Variants in KIAA0825 observed in about 807,000 individuals in gnomAD.
KIAA0825 encodes uncharacterized protein KIAA0825.
A neutral mutation model predicts 147.6 loss-of-function variants in KIAA0825; 119 were observed. The observed-to-expected ratio is 0.81, with a 90% confidence interval of 0.69 to 0.94. The LOEUF (loss-of-function observed/expected upper bound fraction) is 0.94. KIAA0825 is among the 40% of genes least tolerant of loss of function. KIAA0825 has a pLI of 0.00. For missense variants in KIAA0825, 1,381 were observed against 1,472.7 expected, an observed-to-expected ratio of 0.94 and a Z score of 1.02; for synonymous variants, 470 against 518.1, an observed-to-expected ratio of 0.91 and a Z score of 1.26.
chr5:94,274,654 A>G (rs1777141535), intron 20 of KIAA0825, among the ~76,000 whole-genome samples: 1 of 152,174 alleles, frequency 6.6e-6, no homozygotes. Flanking sequence ...AAACCTTTCT[A>G]TAAAACAATT....
In KIAA0825 at chr5:94,227,496, A is replaced by G. The variant is rs1302066484; in HGVS notation, c.3711-73372T>C. On this transcript the variant is annotated intron_variant, in intron 20 of 20. Coordinates refer to ENST00000682413, the MANE Select transcript of KIAA0825 (RefSeq NM_001145678.3). The stretch of plus-strand genomic sequence containing the variant: ...ACACCAGCATGGCACATGTATACAT[A>G]TGTAACTAACCTGCACATTGTGCAC... Among the ~76,000 whole-genome samples, 3 of 151,950 alleles carry G rather than the reference A, an allele frequency of 2.0e-5. No homozygotes were observed. In the East Asian group the frequency reaches 5.8e-4, roughly 29 times the overall value.
At chr5:94,593,386 C>T in intron 1 of KIAA0825, 1 of 1,000,186 alleles carries the variant, frequency 1.0e-6, no homozygotes, top group Non-Finnish European at 1.6e-6. Context: ...AATATCACGA[C>T]ATTTTCAAGA....
intron 20 of KIAA0825, among the ~76,000 whole-genome samples, chr5:94,325,947 T>A (rs1029192219): frequency 1.3e-5 from 2 of 152,082 alleles, no homozygotes; most frequent in Admixed American, 6.6e-5. Flanking sequence ...ATCAGAGTTT[T>A]TTTTCAGAAC....
intron 20 of KIAA0825, among the ~76,000 whole-genome samples, chr5:94,228,467 T>A (rs966125920): frequency 2.0e-5 from 3 of 152,182 alleles, no homozygotes; most frequent in African/African-American, 7.2e-5. Context: ...TACCAAGGAC[T>A]CAGGCTTCCT....
At chr5:94,317,084 C>A (rs1250137064) in intron 20 of KIAA0825, among the ~76,000 whole-genome samples, 4 of 151,830 alleles carry the variant, frequency 2.6e-5, no homozygotes, top group Non-Finnish European at 5.9e-5. Flanking sequence ...ACTCACGTTT[C>A]ACTTCTCACT....
chr5:94,414,888 A>G (rs1374740948), intron 15 of KIAA0825: 1 of 152,164 alleles, frequency 6.6e-6, no homozygotes, highest in Non-Finnish European at 1.5e-5. Context: ...CATGCAAGGG[A>G]TCTTGGTTGT....
chr5:94,206,161 T>C (rs2150034215), intron 20 of KIAA0825, among the ~76,000 whole-genome samples: 1 of 152,314 alleles, frequency 6.6e-6, no homozygotes, highest in Non-Finnish European at 1.5e-5. Flanking sequence ...TATGACTTTG[T>C]TTTGAAGAGC....
intron 20 of KIAA0825, among the ~76,000 whole-genome samples, chr5:94,377,704 G>A (rs1243121013): frequency 6.6e-6 from 1 of 152,118 alleles, no homozygotes; most frequent in Non-Finnish European, 1.5e-5. Flanking sequence ...TGAAACTCTA[G>A]GGAGTCATTA....
rs762157138 is a variant in KIAA0825, at chr5:94,520,736, C to T, written c.482G>A (p.Trp161Ter). 1 of 1,613,304 alleles carries T rather than the reference C, an allele frequency of 6.2e-7. No individual in the cohort carries two copies. The highest frequency in any genetic ancestry group is 1.7e-5 in the Admixed American group (1 of 59,946). The change falls in exon 5 of 21, where the codon TGG becomes TAG. Residue 161 changes from tryptophan (W) to a stop codon, truncating the protein, a stop_gained. Transcript: ENST00000682413. LOFTEE classifies it high-confidence loss of function. ...TCGAAGATGCAGTCTTATATCATCC[C>T]ACATAGACTTGACATCCATAGAGGA... ...DNSSMDVKSM[W>*]DDIRLHLRRF...
chr5:94,171,217 G>A (rs1165447723), intron 20 of KIAA0825, among the ~76,000 whole-genome samples: 5 of 152,172 alleles, frequency 3.3e-5, no homozygotes, highest in Non-Finnish European at 7.3e-5. Flanking sequence ...TAGTGAATGA[G>A]TCTCACACAA....
chr5:94,475,088 CA>C (rs796762483), intron 7 of KIAA0825, among the ~76,000 whole-genome samples: 1,774 of 121,482 alleles, frequency 0.015, 24 homozygotes, highest in African/African-American at 0.041. Context: ...GACTCCATCT[CA>C]AAAAAAAAAA....
chr5:94,267,946 C>G (rs1391431463), intron 20 of KIAA0825, among the ~76,000 whole-genome samples: 1 of 152,134 alleles, frequency 6.6e-6, no homozygotes, highest in African/African-American at 2.4e-5. Context: ...AATACCCACA[C>G]AGACGTGGGA....
chr5:94,248,080 A>T (rs978060706), intron 20 of KIAA0825, among the ~76,000 whole-genome samples: 7 of 152,164 alleles, frequency 4.6e-5, no homozygotes, highest in African/African-American at 1.7e-4. Context: ...AAAGAAAGCA[A>T]TAAAGTGCAA....
At chr5:94,389,360 A>C (rs1361672374) in intron 18 of KIAA0825, among the ~76,000 whole-genome samples, 2 of 152,142 alleles carry the variant, frequency 1.3e-5, no homozygotes, top group African/African-American at 4.8e-5. Context: ...GTAAAACCCC[A>C]TGTCTTGTGG....
chr5:94,384,458 G>A lies in KIAA0825; in HGVS notation c.3620C>T (p.Ser1207Phe), dbSNP rs763576864. 39 of 1,549,700 alleles carry A rather than the reference G, an allele frequency of 2.5e-5. No individual in the cohort carries two copies. The African/African-American group carries it at 2.9e-4, about 11-fold the overall frequency. ...CCAATTCCAGTTCCATTTTGTGATGGCTGACTGTTGATAAATGAGAAGACA... is the reference window on the plus strand; with the variant it reads ...CCAATTCCAGTTCCATTTTGTGATGACTGACTGTTGATAAATGAGAAGACA... Reference protein sequence around the residue: ...AFSENMLDQVSITKWNWNWAK... With the variant: ...AFSENMLDQVFITKWNWNWAK... The change falls in exon 20 of 21, where the codon TCC (serine) becomes TTC (phenylalanine). Residue 1207 changes from serine (S) to phenylalanine (F), a missense_variant and splice_region_variant. Ser to Phe is a radical substitution (Grantham distance 155). Transcript: ENST00000682413.
Position 94,386,355 on chromosome 5 carries a change from G to A in KIAA0825, c.3506C>T (p.Pro1169Leu), listed in dbSNP as rs773668274. 8.4e-6 allele frequency: 13 copies of A among 1,551,610 alleles called. No homozygotes were observed. In the South Asian group the frequency reaches 1.4e-4, roughly 17 times the overall value. The change falls in exon 19 of 21, where the codon CCA (proline) becomes CTA (leucine). Residue 1169 changes from proline (P) to leucine (L), a missense_variant. Physicochemically the swap from Pro to Leu is moderately conservative, Grantham distance 98. Transcript: ENST00000682413. ...CGTCTTTAAAGGTCGGATGGGTAAT[G>A]GCTTTTCCTCTGAACTATTCATAGA... ...LFSMNSSEEK[P>L]LPIRPLKTTL...
chr5:94,612,397 A>C (rs758799982), intron 1 of KIAA0825, among the ~76,000 whole-genome samples: 24 of 152,124 alleles, frequency 1.6e-4, no homozygotes, highest in Middle Eastern at 3.2e-3. Flanking sequence ...GGCCTAATTG[A>C]AGCTTTCTTA....
chr5:94,585,107 C>A (rs1408586786), intron 1 of KIAA0825, among the ~76,000 whole-genome samples: 1 of 152,174 alleles, frequency 6.6e-6, no homozygotes, highest in African/African-American at 2.4e-5. Context: ...TAAAGACTAT[C>A]AATGCTATGA....
At chr5:94,467,016 C>T (rs1440091203) in intron 10 of KIAA0825, among the ~76,000 whole-genome samples, 1 of 152,112 alleles carries the variant, frequency 6.6e-6, no homozygotes, top group Non-Finnish European at 1.5e-5. Flanking sequence ...AATGATTTCT[C>T]ATATTCTTCA....
Sources: allele counts gnomAD v4.1 joint callset (sites outside exome capture counted in the v4.1 genomes callset), GRCh38; gene constraint gnomAD v4.1.1; transcripts MANE v1.5; gene names NCBI Gene and HGNC (gene_info 2026-07-23, HGNC 2026-07-21).